ASIC2: variants seen among roughly 807,000 people sequenced by gnomAD.
ASIC2 encodes acid sensing ion channel subunit 2, also known as acid-sensing ion channel 2.
In ASIC2, 25 loss-of-function variants were observed where a neutral mutation model predicts 57.3. That is an observed-to-expected ratio of 0.44 (90% confidence interval 0.32 to 0.61). The LOEUF (loss-of-function observed/expected upper bound fraction) is 0.61, where lower values mean the gene tolerates loss of function less well. ASIC2 is among the 20% of genes least tolerant of loss of function. The probability of loss-of-function intolerance (pLI) is 0.06; values close to 1 mark genes in which losing one functional copy is unlikely to be tolerated. For missense variants in ASIC2, 641 were observed against 738.1 expected (o/e 0.87, Z 1.52); for synonymous variants, 319 against 307.5 (o/e 1.04, Z -0.39).
intron 2 of ASIC2, among the ~76,000 whole-genome samples, chr17:33,094,320 T>A (rs2092169281): frequency 6.6e-6 from 1 of 151,958 alleles, no homozygotes; most frequent in Non-Finnish European, 1.5e-5. Flanking sequence ...CAGCTCCGGG[T>A]TGGGGGCTGG....
intron 1 of ASIC2, among the ~76,000 whole-genome samples, chr17:33,834,735 T>G (rs1913220387): frequency 1.3e-5 from 2 of 152,202 alleles, no homozygotes; most frequent in African/African-American, 4.8e-5. Flanking sequence ...TTAGTCTTTC[T>G]CACTGCAACA....
intron 1 of ASIC2, among the ~76,000 whole-genome samples, chr17:34,009,819 C>G (rs774017820): frequency 6.6e-6 from 1 of 152,162 alleles, no homozygotes; most frequent in African/African-American, 2.4e-5. Flanking sequence ...AGAACCCCAG[C>G]CTTATTTCTC....
chr17:33,656,198 T>C (rs1301486260), intron 1 of ASIC2, among the ~76,000 whole-genome samples: 1 of 151,736 alleles, frequency 6.6e-6, no homozygotes, highest in Admixed American at 6.6e-5. Flanking sequence ...AAACCAGAAA[T>C]GACTTAAATC....
chr17:34,016,723 T>G (rs1183533555), intron 1 of ASIC2, among the ~76,000 whole-genome samples: 3 of 152,192 alleles, frequency 2.0e-5, no homozygotes, highest in African/African-American at 7.2e-5. Context: ...AGAAATGGAT[T>G]GGGGATCTAG....
intron 1 of ASIC2, among the ~76,000 whole-genome samples, chr17:33,817,819 G>T (rs1045946538): frequency 1.3e-5 from 2 of 152,146 alleles, no homozygotes; most frequent in African/African-American, 2.4e-5. Context: ...CAGCATCAAC[G>T]GGGGCAGCTT....
chr17:33,330,122 G>A (rs1451072821), intron 1 of ASIC2, among the ~76,000 whole-genome samples: 2 of 152,184 alleles, frequency 1.3e-5, no homozygotes, highest in East Asian at 1.9e-4. Flanking sequence ...GTGATGGTGG[G>A]ATCAGATGAT....
chr17:33,341,446 A>T (rs539705585), intron 1 of ASIC2, among the ~76,000 whole-genome samples: 27 of 152,194 alleles, frequency 1.8e-4, no homozygotes, highest in African/African-American at 6.3e-4. Flanking sequence ...TGTAAATAAC[A>T]TTTTACTGGA....
chr17:33,632,741 C>G (rs1906215167), intron 1 of ASIC2, among the ~76,000 whole-genome samples: 1 of 152,176 alleles, frequency 6.6e-6, no homozygotes, highest in South Asian at 2.1e-4. Context: ...CTGGTCCACC[C>G]TTTGAAACTC....
chr17:34,143,210 A>T (rs1373800015), intron 1 of ASIC2, among the ~76,000 whole-genome samples: 2 of 152,224 alleles, frequency 1.3e-5, no homozygotes, highest in African/African-American at 4.8e-5. Flanking sequence ...ATGAACTCTA[A>T]TCCCTAATGG....
At chr17:33,785,067 T>A (rs1911562691) in intron 1 of ASIC2, among the ~76,000 whole-genome samples, 1 of 151,984 alleles carries the variant, frequency 6.6e-6, no homozygotes, top group Admixed American at 6.6e-5. Context: ...AATATTACTA[T>A]ATTTGGAGAT....
intron 1 of ASIC2, among the ~76,000 whole-genome samples, chr17:33,287,065 C>A (rs149960136): frequency 2.2e-4 from 33 of 152,356 alleles, no homozygotes; most frequent in African/African-American, 7.2e-4. Flanking sequence ...GCAACTGCTA[C>A]CATCAGATGT....
intron 1 of ASIC2, among the ~76,000 whole-genome samples, chr17:33,744,894 C>T (rs533152338): frequency 8.3e-4 from 126 of 152,084 alleles, no homozygotes; most frequent in African/African-American, 3.0e-3. Context: ...GAGTTGAAAA[C>T]CAAATCAACG....
intron 1 of ASIC2, among the ~76,000 whole-genome samples, chr17:33,125,714 G>A (rs2092320403): frequency 6.6e-6 from 1 of 152,198 alleles, no homozygotes; most frequent in South Asian, 2.1e-4. Context: ...CTTACAGAAT[G>A]CAACTCTTCA....
chr17:34,055,673 G>A (rs1908739807), intron 1 of ASIC2, among the ~76,000 whole-genome samples: 4 of 152,064 alleles, frequency 2.6e-5, no homozygotes, highest in Non-Finnish European at 5.9e-5. Context: ...TACTCAGCAT[G>A]TTTTTAAAAT....
chr17:33,882,650 C>T (rs1025243821), intron 1 of ASIC2, among the ~76,000 whole-genome samples: 1 of 152,156 alleles, frequency 6.6e-6, no homozygotes, highest in Non-Finnish European at 1.5e-5. Context: ...GGAACTTTTA[C>T]ACTGTTGGTG....
At chr17:33,784,455 C>T (rs1237406723) in intron 1 of ASIC2, among the ~76,000 whole-genome samples, 2 of 152,146 alleles carry the variant, frequency 1.3e-5, no homozygotes, top group East Asian at 1.9e-4. Context: ...ATGACCATTG[C>T]TACCTCCTAG....
At chr17:34,099,630 AAAAG>A (rs1169748378) in intron 1 of ASIC2, among the ~76,000 whole-genome samples, 5 of 142,774 alleles carry the variant, frequency 3.5e-5, no homozygotes, top group South Asian at 4.4e-4. Flanking sequence ...AAGAAAAAGA[AAAAG>A]AAAGAAAGAA....
intron 1 of ASIC2, among the ~76,000 whole-genome samples, chr17:33,418,180 A>G (rs1009371146): frequency 1.3e-5 from 2 of 152,050 alleles, no homozygotes; most frequent in East Asian, 3.9e-4. Flanking sequence ...ATAACTTCCT[A>G]GTTTGAAACT....
chr17:34,125,055 G>A (rs770311296), intron 1 of ASIC2, among the ~76,000 whole-genome samples: 6 of 151,336 alleles, frequency 4.0e-5, no homozygotes, highest in Non-Finnish European at 7.4e-5. Flanking sequence ...CTGGAAAAAC[G>A]TCTTCCCTTC....
Sources: gnomAD v4.1 joint callset for allele counts (sites outside exome capture counted in the v4.1 genomes callset) on GRCh38, gnomAD v4.1.1 for gene constraint, MANE v1.5 for transcripts, NCBI Gene and HGNC (gene_info 2026-07-23, HGNC 2026-07-21) for gene names.